Variants in SDK1 observed in about 807,000 individuals in gnomAD.
SDK1 encodes the protein protein sidekick-1.
SDK1 carries 157 observed loss-of-function variants against 245.5 expected under a neutral mutation model. The observed-to-expected ratio is 0.64, with a 90% CI of 0.56 to 0.73. SDK1 has a LOEUF of 0.73. Ranked by LOEUF, SDK1 falls within the 30% of genes least tolerant of loss-of-function variation. The pLI, the probability that SDK1 is intolerant of heterozygous loss-of-function variation, is 0.00. For synonymous variants in SDK1, 1,647 were observed against 1,278.5 expected, an observed-to-expected ratio of 1.29 and a Z score of -6.15; for missense variants, 3,583 against 3,002.3, an observed-to-expected ratio of 1.19 and a Z score of -4.52.
intron 1 of SDK1, among the ~76,000 whole-genome samples, chr7:3,616,996 A>G (rs983454747): frequency 1.3e-5 from 2 of 152,204 alleles, no homozygotes; most frequent in African/African-American, 4.8e-5. Flanking sequence ...GAGCTAGATT[A>G]TCTGGATTTA....
intron 5 of SDK1, among the ~76,000 whole-genome samples, chr7:3,921,313 A>T (rs115774050): frequency 4.9e-4 from 75 of 152,352 alleles, no homozygotes; most frequent in African/African-American, 1.8e-3. Context: ...ATTTTCAATA[A>T]CTGCCTAGTT....
rs10250990 is a variant in SDK1 at position 3,775,012 on chromosome 7, G to A, written c.714-46438G>A. On this transcript the variant is annotated intron_variant, in intron 4 of 44. Transcript: ENST00000404826. ...AGTGCCCCAGGGAACTGTGAAGGCT[G>A]GACAGTGCTCGGCGCTGATCGATGG... Among the ~76,000 whole-genome samples, 846 of 152,294 alleles carry A rather than the reference G, an allele frequency of 5.6e-3. 8 individuals are homozygous for A. Among genetic ancestry groups the A allele is most frequent in the African/African-American group, 0.02 (813 of 41,564 alleles).
chr7:4,179,638 C>T (rs1387771383), intron 35 of SDK1, among the ~76,000 whole-genome samples: 3 of 152,022 alleles, frequency 2.0e-5, no homozygotes, highest in Non-Finnish European at 2.9e-5. Flanking sequence ...AAAGGGGTCA[C>T]TCAGAGCCAC....
chr7:3,373,981 A>T (rs1437459164), intron 1 of SDK1, among the ~76,000 whole-genome samples: 3 of 152,230 alleles, frequency 2.0e-5, no homozygotes. Flanking sequence ...ATGAAGTCAT[A>T]CTTTGTTTTA....
At chr7:4,162,586 G>C (rs1285736486) in intron 32 of SDK1, among the ~76,000 whole-genome samples, 2 of 151,936 alleles carry the variant, frequency 1.3e-5, no homozygotes, top group African/African-American at 4.8e-5. Context: ...TTTTAGTAGA[G>C]ATGGGGTTTC....
chr7:3,505,954 A>T (rs192782509), intron 1 of SDK1, among the ~76,000 whole-genome samples: 101 of 152,046 alleles, frequency 6.6e-4, no homozygotes, highest in African/African-American at 2.4e-3. Context: ...ATTTATTTTT[A>T]TGTTTGTTAT....
intron 4 of SDK1, among the ~76,000 whole-genome samples, chr7:3,752,122 A>C (rs1183412944): frequency 2.0e-5 from 3 of 152,170 alleles, no homozygotes; most frequent in African/African-American, 7.2e-5. Context: ...TTGAACGTAT[A>C]TTGCACTTTT....
intron 1 of SDK1, among the ~76,000 whole-genome samples, chr7:3,567,400 C>G (rs1779958492): frequency 6.7e-6 from 1 of 150,184 alleles, no homozygotes; most frequent in African/African-American, 2.5e-5. Flanking sequence ...AGCCGAAGCA[C>G]TGAGTTGATT....
intron 4 of SDK1, among the ~76,000 whole-genome samples, chr7:3,820,577 G>A (rs911243676): frequency 3.3e-5 from 5 of 152,224 alleles, no homozygotes; most frequent in Admixed American, 6.5e-5. Context: ...AATGGAAGTT[G>A]TGTCTTTCTT....
intron 1 of SDK1, among the ~76,000 whole-genome samples, chr7:3,492,448 C>G (rs894952073): frequency 6.6e-6 from 1 of 152,232 alleles, no homozygotes; most frequent in Non-Finnish European, 1.5e-5. Flanking sequence ...GAGCCGAGAT[C>G]ACGCCACCAC....
At chr7:3,682,585 T>C (rs1313899610) in intron 4 of SDK1, among the ~76,000 whole-genome samples, 3 of 152,278 alleles carry the variant, frequency 2.0e-5, no homozygotes, top group Non-Finnish European at 4.4e-5. Context: ...TCAGCACGGC[T>C]GGCCTCTCCT....
chr7:3,499,149 C>A lies in SDK1; in HGVS notation c.299-119931C>A, dbSNP rs151306226. 2.0e-5 allele frequency among the ~76,000 whole-genome samples: 3 copies of A among 152,244 alleles called. No homozygotes were observed. In the East Asian group the frequency reaches 5.8e-4, roughly 29 times the overall value. ...TACTGGAATTATTTGTTTGGAAAAA[C>A]CTGGCTTTCTGAATAGCTGAAATTT... On this transcript the variant is annotated intron_variant, in intron 1 of 44. Coordinates refer to ENST00000404826, the MANE Select transcript of SDK1 (RefSeq NM_152744.4).
Position 3,443,988 on chromosome 7 carries a change from C to G in SDK1, c.298+142104C>G, listed in dbSNP as rs561747730. Among the ~76,000 whole-genome samples, 16 of 152,322 alleles carry G rather than the reference C, an allele frequency of 1.1e-4. No homozygotes were observed. In the East Asian group the frequency reaches 2.9e-3, roughly 28 times the overall value. ...TTATTTATTTCTATCATATACATAG[C>G]ACGGAAGCCTGAGAAGAAGCAAAAG... On this transcript the variant is annotated intron_variant, in intron 1 of 44. Coordinates refer to ENST00000404826, the MANE Select transcript of SDK1 (RefSeq NM_152744.4).
chr7:3,999,322 G>C (rs891522825), intron 14 of SDK1, among the ~76,000 whole-genome samples: 1 of 152,192 alleles, frequency 6.6e-6, no homozygotes, highest in Non-Finnish European at 1.5e-5. Context: ...GACACCAGGA[G>C]ATACCAGGAA....
chr7:4,237,560 C>G (rs1160700673), intron 41 of SDK1, 87 bp from the exon 42 acceptor site: 1 of 1,512,942 alleles, frequency 6.6e-7, no homozygotes, highest in East Asian at 2.3e-5. Flanking sequence ...CTACCCCAGC[C>G]TTCCCTGCCA....
chr7:3,723,658 T>TGTGTGTG (rs1554254470), intron 4 of SDK1, among the ~76,000 whole-genome samples: 2 of 134,112 alleles, frequency 1.5e-5, no homozygotes, highest in African/African-American at 6.1e-5. Flanking sequence ...TAAGTAAAAG[T>TGTGTGTG]TGTGTGTGTG....
chr7:3,494,258 T>G (rs1781953273), intron 1 of SDK1, among the ~76,000 whole-genome samples: 1 of 152,222 alleles, frequency 6.6e-6, no homozygotes, highest in Admixed American at 6.5e-5. Flanking sequence ...TTTAATAACT[T>G]TTGTTATTTT....
intron 1 of SDK1, among the ~76,000 whole-genome samples, chr7:3,493,570 T>G (rs900568763): frequency 1.2e-4 from 19 of 152,236 alleles, no homozygotes; most frequent in African/African-American, 4.1e-4. Context: ...TCAAGAAATG[T>G]GACTTTCTTG....
At chr7:3,376,514 G>A (rs1781359932) in intron 1 of SDK1, among the ~76,000 whole-genome samples, 1 of 152,150 alleles carries the variant, frequency 6.6e-6, no homozygotes, top group Non-Finnish European at 1.5e-5. Flanking sequence ...AGAAATAAAT[G>A]TATGAACAGA....
Sources: gnomAD v4.1 joint callset for allele counts (sites outside exome capture counted in the v4.1 genomes callset) on GRCh38, gnomAD v4.1.1 for gene constraint, MANE v1.5 for transcripts, NCBI Gene and HGNC (gene_info 2026-07-23, HGNC 2026-07-21) for gene names.